The following SLC26A11 variants were observed in gnomAD, a reference collection of about 807,000 sequenced individuals.
SLC26A11 encodes the protein solute carrier family 26 member 11.
Under a neutral mutation model 62.2 loss-of-function variants are expected in SLC26A11, and 58 were observed. The observed-to-expected ratio is 0.93, with a 90% CI of 0.76 to 1.16. SLC26A11 has a LOEUF of 1.16. SLC26A11 is among the 50% of genes most tolerant of loss of function. The pLI, the probability that SLC26A11 is intolerant of heterozygous loss-of-function variation, is 0.00. For synonymous variants in SLC26A11, 411 were observed against 368.9 expected (o/e 1.11, Z -1.31); for missense variants, 790 against 794.3 (o/e 0.99, Z 0.06).
chr17:80,222,553 G>C lies in SLC26A11; in HGVS notation c.235-102G>C. On this transcript the variant is annotated intron_variant, in intron 3 of 17. Transcript: ENST00000361193. This position sits in a 1 kb window ranked among gnomAD's most constrained non-coding sequence, Gnocchi z 4.7. ...GCGGTGCACCTTTAACCTGGGCCTG[G>C]ACACAGCTGACACCCACACATCCCG... The C allele has an allele frequency of 1.6e-6, 2 of 1,261,878 alleles. No homozygotes were observed. Among genetic ancestry groups the C allele is most frequent in the Non-Finnish European group, 2.3e-6 (2 of 888,126 alleles). The allele number at this position is 1,261,878 out of a possible 1,614,324, so 78.2% of individuals were successfully genotyped here.
At chr17:80,248,541 C>A in intron 14 of SLC26A11, 34 bp from the exon 15 acceptor site, 1 of 1,542,954 alleles carries the variant, frequency 6.5e-7, no homozygotes, top group Non-Finnish European at 8.8e-7. Context: ...GCCACCCGGT[C>A]AGACCCGCCT....
chr17:80,249,774 G>T (rs1322159767), intron 16 of SLC26A11, among the ~76,000 whole-genome samples: 1 of 152,134 alleles, frequency 6.6e-6, no homozygotes, highest in Non-Finnish European at 1.5e-5. Context: ...GTCAGGTGTG[G>T]TGGCGAGCGC....
At chr17:80,232,616 T>C (rs1469585815) in intron 7 of SLC26A11, among the ~76,000 whole-genome samples, 1 of 152,228 alleles carries the variant, frequency 6.6e-6, no homozygotes, top group Non-Finnish European at 1.5e-5. Flanking sequence ...GGGCAGCATA[T>C]AGATGGGATT....
In SLC26A11 at chr17:80,236,936, G is replaced by A. The variant is rs151264202; in HGVS notation, c.745G>A (p.Ala249Thr). The change falls in exon 8 of 18, where the codon GCC becomes ACC. Residue 249 changes from alanine (A) to threonine (T), a missense_variant. Coordinates refer to ENST00000361193, the MANE Select transcript of SLC26A11 (RefSeq NM_001166347.2). ...LVWAATTARN[A>T]LVVSFAALVA... ...CTCTCCTTCTCTCCTAGCTCGCAAC[G>A]CCCTGGTGGTCTCCTTCGCAGCCCT... The A allele has an allele frequency of 4.4e-4, 705 of 1,610,852 alleles. 1 individual carries two copies. Among genetic ancestry groups the A allele is most frequent in the East Asian group, 4.9e-4 (22 of 44,762 alleles).
intron 16 of SLC26A11, 138 bp downstream of exon 16, chr17:80,249,425 T>A: frequency 8.2e-7 from 1 of 1,222,760 alleles, no homozygotes; most frequent in Non-Finnish European, 1.1e-6. Flanking sequence ...GCTTCTGATT[T>A]AAACAGTTCT....
rs140124148 is a variant in SLC26A11, at chr17:80,246,583, G to A, written c.1228G>A (p.Val410Ile). 161 of 1,613,834 alleles carry A rather than the reference G, an allele frequency of 1.0e-4. No individual in the cohort carries two copies. Among genetic ancestry groups the A allele is most frequent in the Middle Eastern group, 1.6e-4 (1 of 6,084 alleles). Residue 410 changes from valine (V) to isoleucine (I), a missense_variant, in exon 13 of 18, where the codon GTC (valine) becomes ATC (isoleucine). Coordinates refer to ENST00000361193, the MANE Select transcript of SLC26A11 (RefSeq NM_001166347.2). This position sits in a 1 kb window ranked among gnomAD's most constrained non-coding sequence, Gnocchi z 4.4. ...YYIPKSALAA[V>I]IIMAVAPLFD... ...CATCCCCAAGTCTGCCCTGGCTGCCGTCATCATCATGGCCGTGGCCCCGCT... is the reference window on the plus strand; with the variant it reads ...CATCCCCAAGTCTGCCCTGGCTGCCATCATCATCATGGCCGTGGCCCCGCT...
chr17:80,231,720 T>C (rs551905999), intron 7 of SLC26A11, among the ~76,000 whole-genome samples: 8 of 152,256 alleles, frequency 5.3e-5, no homozygotes, highest in Non-Finnish European at 1.0e-4. Context: ...ATGGGAGTTA[T>C]TTAGTTTCCA....
rs1399654117 is a variant in SLC26A11, at chr17:80,246,587, T to C, written c.1232T>C (p.Ile411Thr). The change falls in exon 13 of 18, where the codon ATC (isoleucine) becomes ACC (threonine). Residue 411 changes from isoleucine to threonine, a missense_variant. Transcript: ENST00000361193. This position sits in a 1 kb window ranked among gnomAD's most constrained non-coding sequence, Gnocchi z 4.4. ...YIPKSALAAV[I>T]IMAVAPLFDT... Reference sequence around the variant, plus strand: ...CCCAAGTCTGCCCTGGCTGCCGTCATCATCATGGCCGTGGCCCCGCTGTTC... The same window carrying C: ...CCCAAGTCTGCCCTGGCTGCCGTCACCATCATGGCCGTGGCCCCGCTGTTC... 1 of 1,614,050 alleles carries C rather than the reference T, an allele frequency of 6.2e-7. No individual in the cohort carries two copies.
intron 9 of SLC26A11, among the ~76,000 whole-genome samples, chr17:80,238,725 C>T (rs756966734): frequency 6.6e-6 from 1 of 151,698 alleles, no homozygotes; most frequent in African/African-American, 2.4e-5. Context: ...CTGTGTAAAT[C>T]GTGTTTACTG....
intron 10 of SLC26A11, 98 bp downstream of exon 10, chr17:80,241,919 G>A (rs761839153): frequency 2.2e-6 from 3 of 1,342,968 alleles, no homozygotes; most frequent in Non-Finnish European, 3.2e-6. Context: ...AGACCATGAT[G>A]GTGGTGATGA....
In SLC26A11 at chr17:80,223,316, C is replaced by T. The variant is rs2042276597; in HGVS notation, c.492C>T (p.Thr164=). 2 of 1,614,178 alleles carry T rather than the reference C, an allele frequency of 1.2e-6. No individual in the cohort carries two copies. Among genetic ancestry groups the T allele is most frequent in the Non-Finnish European group, 1.7e-6 (2 of 1,180,042 alleles). The part of the protein sequence containing the change: ...IKGFTSAAAV[T]IGFGQIKNLL... ...GCTTCACCTCTGCTGCTGCCGTCAC[C>T]ATCGGCTTTGGACAGATCAAGGTAG... The change falls in exon 5 of 18, where the codon ACC becomes ACT. Residue 164 remains threonine (T), a synonymous_variant. Transcript: ENST00000361193. The surrounding 1 kb of genome is among the most constrained non-coding windows in gnomAD (Gnocchi z 4.6).
intron 6 of SLC26A11, among the ~76,000 whole-genome samples, chr17:80,227,530 A>C (rs2042444168): frequency 6.6e-6 from 1 of 152,272 alleles, no homozygotes; most frequent in Non-Finnish European, 1.5e-5. Context: ...GAAGTAGAAC[A>C]GGGATGCATA....
intron 7 of SLC26A11, among the ~76,000 whole-genome samples, chr17:80,236,094 G>A: frequency 6.6e-6 from 1 of 152,182 alleles, no homozygotes; most frequent in Admixed American, 6.5e-5. Context: ...CCACTGCTGA[G>A]GTAAAACCCT....
intron 10 of SLC26A11, among the ~76,000 whole-genome samples, chr17:80,244,390 C>T (rs558676629): frequency 1.3e-4 from 20 of 152,294 alleles, no homozygotes; most frequent in Admixed American, 5.9e-4. Flanking sequence ...GGGTGGAGAA[C>T]GGTGGGCAGC....
In SLC26A11 at chr17:80,246,188, C is replaced by T. The variant is rs940290673; in HGVS notation, c.1132C>T (p.Pro378Ser). 2.5e-6 allele frequency: 4 copies of T among 1,612,492 alleles called. No individual in the cohort carries two copies. The highest frequency in any genetic ancestry group is 2.7e-5 in the African/African-American group (2 of 74,924). The change falls in exon 12 of 18, where the codon CCG (proline) becomes TCG (serine). Residue 378 changes from proline (P) to serine (S), a missense_variant. Pro to Ser is a moderately conservative substitution (Grantham distance 74). Transcript: ENST00000361193. This position sits in a 1 kb window ranked among gnomAD's most constrained non-coding sequence, Gnocchi z 4.4. The stretch of plus-strand genomic sequence containing the variant: ...GAACGCTCAGTCGGGGGTGTGCACC[C>T]CGGCGGGGGGCCTGGTGACGGGTAA... ...AVNAQSGVCTPAGGLVTGVLV... is the reference protein window; with the variant it reads ...AVNAQSGVCTSAGGLVTGVLV...
chr17:80,226,093 C>T (rs182808330), intron 6 of SLC26A11, among the ~76,000 whole-genome samples, 177 bp downstream of exon 6: 1 of 152,260 alleles, frequency 6.6e-6, no homozygotes, highest in African/African-American at 2.4e-5. Flanking sequence ...CCTTTGCAGA[C>T]CTGCCCTATC....
rs146864061 is a variant in SLC26A11, at chr17:80,246,588, C to G, written c.1233C>G (p.Ile411Met). 20 of 1,613,942 alleles carry G rather than the reference C, an allele frequency of 1.2e-5. No individual in the cohort carries two copies. The African/African-American group carries it at 1.9e-4, about 15-fold the overall frequency. Residue 411 changes from isoleucine to methionine, a missense_variant, in exon 13 of 18, where the codon ATC (isoleucine) becomes ATG (methionine). Physicochemically the swap from Ile to Met is conservative, Grantham distance 10 (BLOSUM62 1). Transcript: ENST00000361193. The surrounding 1 kb of genome is among the most constrained non-coding windows in gnomAD (Gnocchi z 4.4). Reference sequence around the variant, plus strand: ...CCAAGTCTGCCCTGGCTGCCGTCATCATCATGGCCGTGGCCCCGCTGTTCG... The same window carrying G: ...CCAAGTCTGCCCTGGCTGCCGTCATGATCATGGCCGTGGCCCCGCTGTTCG... Reference protein sequence around the residue: ...YIPKSALAAVIIMAVAPLFDT... With the variant: ...YIPKSALAAVMIMAVAPLFDT...
chr17:80,221,315 T>G, intron 2 of SLC26A11, 200 bp downstream of exon 2: 1 of 463,088 alleles, frequency 2.2e-6, no homozygotes, highest in Non-Finnish European at 3.8e-6. Context: ...GCACCCAGGA[T>G]TTGCACGGGG....
rs762525575 is a variant in SLC26A11 at position 80,246,212 on chromosome 17, A to G, written c.1153+3A>G. 1 of 1,609,786 alleles carries G rather than the reference A, an allele frequency of 6.2e-7. No homozygotes were observed. Among genetic ancestry groups the G allele is most frequent in the Non-Finnish European group, 8.5e-7 (1 of 1,178,660 alleles). The stretch of plus-strand genomic sequence containing the variant: ...CCCGGCGGGGGGCCTGGTGACGGGT[A>G]AGGCCCCCCATCTTCCCCTTGTGCC... On this transcript the variant is annotated splice_donor_region_variant and intron_variant, in intron 12 of 17. Transcript: ENST00000361193. The surrounding 1 kb of genome is among the most constrained non-coding windows in gnomAD (Gnocchi z 4.4).
Sources: gnomAD v4.1 joint callset for allele counts (sites outside exome capture counted in the v4.1 genomes callset) on GRCh38, gnomAD v4.1.1 for gene constraint, Gnocchi (gnomAD v3.1) non-coding constraint, MANE v1.5 for transcripts, NCBI Gene and HGNC (gene_info 2026-07-23, HGNC 2026-07-21) for gene names.